Variants in MEGF10 observed in about 807,000 individuals in gnomAD.
MEGF10 encodes the protein multiple EGF like domains 10.
MEGF10 carries 86 observed loss-of-function variants against 147.5 expected under a neutral mutation model. The ratio of observed to expected loss-of-function variants is 0.58; its 90% CI spans 0.49 to 0.70. The LOEUF (loss-of-function observed/expected upper bound fraction) is 0.70, where lower values mean the gene tolerates loss of function less well. MEGF10 is among the 30% of genes least tolerant of loss of function. The pLI is 0.00. For missense variants in MEGF10, 1,329 were observed against 1,487.3 expected (o/e 0.89, Z 1.75); for synonymous variants, 478 against 525.5 (o/e 0.91, Z 1.24).
intron 5 of MEGF10, among the ~76,000 whole-genome samples, chr5:127,390,772 T>C (rs1343508517): frequency 3.3e-5 from 5 of 152,166 alleles, no homozygotes; most frequent in African/African-American, 1.2e-4. Flanking sequence ...TTATAATCAG[T>C]GCTAGGATAA....
chr5:127,299,411 T>C (rs1218506582), intron 1 of MEGF10, among the ~76,000 whole-genome samples: 3 of 152,172 alleles, frequency 2.0e-5, no homozygotes, highest in Non-Finnish European at 4.4e-5. Flanking sequence ...GCTGGGGGAC[T>C]CTCCAGATGC....
the MEGF10 span, among the ~76,000 whole-genome samples, chr5:127,282,819 T>A: frequency 3.9e-5 from 6 of 152,336 alleles, no homozygotes; most frequent in East Asian, 1.2e-3. Context: ...CTCAGAATAG[T>A]CAGGAGGAAG....
rs1162585057 is a variant in MEGF10 at position 127,371,190 on chromosome 5, ACTGT to A, written c.412+1189_412+1192del. Among the ~76,000 whole-genome samples the A allele has an allele frequency of 5.3e-3, 496 of 93,758 alleles. 6 individuals carry two copies. The highest frequency in any genetic ancestry group is 0.028 in the Admixed American group (276 of 9,736). The allele number at this position is 93,758 out of a possible 152,430, so 61.5% of individuals were successfully genotyped here. A position where few individuals can be genotyped will look rare whatever the true frequency, so the allele number is the denominator to read the frequency against. On this transcript the variant is annotated intron_variant, in intron 5 of 24. Transcript: ENST00000503335. ...AACTGTACCTTAAACAGGGACTGGG[ACTGT>A]GTGTGTGTGTGTGTGTGTGTGTGTG...
At chr5:127,244,725 T>C in the MEGF10 span, among the ~76,000 whole-genome samples, 9 of 152,140 alleles carry the variant, frequency 5.9e-5, no homozygotes. Context: ...AAAGAAATTA[T>C]GTTCCAATAA....
At chr5:127,391,015 A>G (rs999546536) in intron 5 of MEGF10, among the ~76,000 whole-genome samples, 28 of 151,836 alleles carry the variant, frequency 1.8e-4, no homozygotes, top group African/African-American at 6.0e-4. Flanking sequence ...CTAAGGTATT[A>G]TTAATGAGTT....
intron 4 of MEGF10, among the ~76,000 whole-genome samples, chr5:127,340,847 G>A (rs759065150): frequency 1.3e-5 from 2 of 152,128 alleles, no homozygotes; most frequent in Non-Finnish European, 2.9e-5. Flanking sequence ...TGCTTAAGGT[G>A]AAAACAGCTG....
chr5:127,422,087 G>A (rs992345249), intron 12 of MEGF10, among the ~76,000 whole-genome samples: 2 of 151,496 alleles, frequency 1.3e-5, no homozygotes, highest in Non-Finnish European at 1.5e-5. Context: ...TTTTTAAAGT[G>A]TGTTGGCATG....
At chr5:127,372,251 AG>A (rs1290788034) in intron 5 of MEGF10, among the ~76,000 whole-genome samples, 4 of 152,238 alleles carry the variant, frequency 2.6e-5, no homozygotes, top group African/African-American at 9.6e-5. Flanking sequence ...GTATCACTTA[AG>A]ATCCAATTAG....
intron 10 of MEGF10, 93 bp from the exon 11 acceptor site, chr5:127,419,027 A>T: frequency 7.2e-7 from 1 of 1,391,406 alleles, no homozygotes; most frequent in Non-Finnish European, 9.8e-7. Context: ...GAGGAAGTAT[A>T]ATTAGCATTG....
the MEGF10 span, among the ~76,000 whole-genome samples, chr5:127,231,286 T>C: frequency 1.3e-5 from 2 of 152,270 alleles, no homozygotes; most frequent in South Asian, 4.1e-4. Context: ...GCATGGCTGC[T>C]AGATCCTCCA....
the MEGF10 span, among the ~76,000 whole-genome samples, chr5:127,246,306 A>G: frequency 2.6e-5 from 4 of 152,066 alleles, no homozygotes; most frequent in African/African-American, 9.7e-5. Flanking sequence ...TCTTTGCCAG[A>G]ACATGGATGA....
intron 14 of MEGF10, among the ~76,000 whole-genome samples, chr5:127,433,750 A>G (rs763134840): frequency 3.3e-5 from 5 of 152,206 alleles, no homozygotes; most frequent in Non-Finnish European, 7.3e-5. Flanking sequence ...TAATTACTTC[A>G]TTGCCTCATT....
the MEGF10 span, among the ~76,000 whole-genome samples, chr5:127,277,784 G>A: frequency 2.6e-5 from 4 of 152,140 alleles, no homozygotes; most frequent in Non-Finnish European, 5.9e-5. Context: ...TGAATGGAGG[G>A]TGTGAGAGAA....
chr5:127,443,102 T>A lies in MEGF10; in HGVS notation c.2467T>A (p.Trp823Arg), dbSNP rs1402417139. The A allele has an allele frequency of 6.2e-7, 1 of 1,613,670 alleles. No homozygotes were observed. The change falls in exon 19 of 25, where the codon TGG (tryptophan) becomes AGG (arginine). Residue 823 changes from tryptophan (W) to arginine (R), a missense_variant. By Grantham distance (101) the Trp-to-Arg change is moderately radical. Around this residue, in one of 3 missense-constraint regions of MEGF10, gnomAD observed 6 missense variants for 23.5 expected, o/e 0.26. Transcript: ENST00000503335. ...ITGTCYCSPG[W>R]KGARCDQAGV... ...TGGGACCTGTTACTGCAGCCCCGGA[T>A]GGAAGGGAGCGAGATGTGATCAAGG...
At chr5:127,401,214 G>A (rs1054349291) in intron 7 of MEGF10, among the ~76,000 whole-genome samples, 1 of 152,160 alleles carries the variant, frequency 6.6e-6, no homozygotes, top group African/African-American at 2.4e-5. Flanking sequence ...TACCATGTCA[G>A]GCTAGAATGG....
At chr5:127,368,313 A>G (rs1762726909) in intron 4 of MEGF10, among the ~76,000 whole-genome samples, 1 of 152,138 alleles carries the variant, frequency 6.6e-6, no homozygotes, top group African/African-American at 2.4e-5. Flanking sequence ...TCTACCCTGG[A>G]CCAGGGTCCC....
In MEGF10 at chr5:127,339,168, T is replaced by C. The variant is rs1031424124; in HGVS notation, c.165T>C (p.Ile55=). 11 of 1,612,654 alleles carry C rather than the reference T, an allele frequency of 6.8e-6. No individual in the cohort carries two copies. The highest frequency in any genetic ancestry group is 9.3e-6 in the Non-Finnish European group (11 of 1,178,944). The change falls in exon 3 of 25, where the codon ATT becomes ATC. Residue 55 remains isoleucine (I), a synonymous_variant. Transcript: ENST00000503335. ...QESYPHPFDQ[I]YYTSCTDILN... Reference sequence around the variant, plus strand: ...CATACCCACATCCCTTTGATCAAATTTACTACACGAGCTGCACTGACATTC... The same window carrying C: ...CATACCCACATCCCTTTGATCAAATCTACTACACGAGCTGCACTGACATTC...
At chr5:127,444,789 T>TA (rs1348384643) in intron 19 of MEGF10, 1 of 152,570 alleles carries the variant, frequency 6.6e-6, no homozygotes, top group African/African-American at 2.4e-5. Context: ...TCTTCTGAGG[T>TA]AAAAGACCCA....
the MEGF10 span, among the ~76,000 whole-genome samples, chr5:127,262,666 G>C: frequency 6.6e-6 from 1 of 152,102 alleles, no homozygotes; most frequent in Admixed American, 6.6e-5. Context: ...TGGGATCCCA[G>C]CTCACTCTAT....
Sources: allele counts gnomAD v4.1 joint callset (sites outside exome capture counted in the v4.1 genomes callset), GRCh38; gene constraint gnomAD v4.1.1; regional missense constraint gnomAD v4.1.1; transcripts MANE v1.5; gene names NCBI Gene and HGNC (gene_info 2026-07-23, HGNC 2026-07-21).